Variants in ZNF682 observed in about 807,000 individuals in gnomAD.
ZNF682 encodes zinc finger protein 682.
A neutral mutation model predicts 36.5 loss-of-function variants in ZNF682; 29 were observed. The ratio of observed to expected loss-of-function variants is 0.80; its 90% CI spans 0.59 to 1.08. The LOEUF (loss-of-function observed/expected upper bound fraction) is 1.08, where lower values mean the gene tolerates loss of function less well. ZNF682 is among the 50% of genes least tolerant of loss of function. The probability of loss-of-function intolerance (pLI) is 0.00; values close to 1 mark genes in which losing one functional copy is unlikely to be tolerated. For synonymous variants in ZNF682, 180 were observed against 197.0 expected, an observed-to-expected ratio of 0.91 and a Z score of 0.72; for missense variants, 561 against 579.7, an observed-to-expected ratio of 0.97 and a Z score of 0.33.
At chr19:19,999,654 C>A (rs548974988), downstream of ZNF682, among the ~76,000 whole-genome samples, 3 of 152,240 alleles carry the variant, frequency 2.0e-5, no homozygotes, top group East Asian at 5.8e-4. Context: ...CCTGCCTCAG[C>A]CTTCTGAGTA....
rs140264317 is a variant in ZNF682 at position 20,033,699 on chromosome 19, T to C, written c.3+5644A>G. Among the ~76,000 whole-genome samples the C allele has an allele frequency of 5.2e-3, 784 of 152,214 alleles. 6 individuals carry two copies. Among genetic ancestry groups the C allele is most frequent in the African/African-American group, 0.018 (749 of 41,528 alleles). Reference sequence around the variant, plus strand: ...TCTCGAGTAGCTGGGACTACAGGCGTCCATCACCACGCCTGGCTAATTTTA... The same window carrying C: ...TCTCGAGTAGCTGGGACTACAGGCGCCCATCACCACGCCTGGCTAATTTTA... On this transcript the variant is annotated intron_variant, in intron 1 of 3. Transcript: ENST00000397165.
At chr19:19,995,884 G>A (rs890979470), downstream of ZNF682, among the ~76,000 whole-genome samples, 3 of 152,078 alleles carry the variant, frequency 2.0e-5, no homozygotes, top group Non-Finnish European at 4.4e-5. Context: ...CAACACACTC[G>A]AAAGTTTGGG....
chr19:20,033,152 A>C (rs1331591849), intron 1 of ZNF682, among the ~76,000 whole-genome samples: 2 of 152,122 alleles, frequency 1.3e-5, no homozygotes, highest in African/African-American at 2.4e-5. Flanking sequence ...CTGTAATCTC[A>C]GCTACTTGGG....
At chr19:20,028,689 AATCACTATTCTAAAAC>A (rs2088453324) in intron 1 of ZNF682, among the ~76,000 whole-genome samples, 1 of 152,172 alleles carries the variant, frequency 6.6e-6, no homozygotes, top group Admixed American at 6.5e-5. Context: ...AAAAACCACC[AATCACTATTCTAAAAC>A]ATGGCGTTCT....
chr19:20,007,062 T>A lies in ZNF682; in HGVS notation c.440A>T (p.Tyr147Phe), dbSNP rs749777340. 21 of 1,613,480 alleles carry A rather than the reference T, an allele frequency of 1.3e-5. No homozygotes were observed. The African/African-American group carries it at 2.5e-4, about 19-fold the overall frequency. The change falls in exon 4 of 4, where the codon TAT (tyrosine) becomes TTT (phenylalanine). Residue 147 changes from tyrosine to phenylalanine, a missense_variant. Transcript: ENST00000397165. ...ACTAAAGACTTTCACACATTTATTATATGGGAAAATTTTGCTAGGTAGAGT... is the reference window on the plus strand; with the variant it reads ...ACTAAAGACTTTCACACATTTATTAAATGGGAAAATTTTGCTAGGTAGAGT... Reference protein sequence around the residue: ...LSTLPSKIFPYNKCVKVFSKS... With the variant: ...LSTLPSKIFPFNKCVKVFSKS...
chr19:20,020,061 A>G (rs985835727), intron 3 of ZNF682, among the ~76,000 whole-genome samples: 5 of 100,288 alleles, frequency 5.0e-5, no homozygotes, highest in African/African-American at 1.9e-4. Flanking sequence ...AAAAAAAAAA[A>G]AAGAAAGAAA....
intron 3 of ZNF682, among the ~76,000 whole-genome samples, chr19:20,016,410 T>C (rs1258945998): frequency 6.6e-6 from 1 of 152,064 alleles, no homozygotes; most frequent in Non-Finnish European, 1.5e-5. Context: ...TTAAACATGT[T>C]CAATGAGCAA....
At chr19:19,995,158 G>A (rs1012427035), downstream of ZNF682, among the ~76,000 whole-genome samples, 1 of 152,134 alleles carries the variant, frequency 6.6e-6, no homozygotes, top group Admixed American at 6.5e-5. Context: ...TTTATACCAC[G>A]TAAATGGCAA....
downstream of ZNF682, among the ~76,000 whole-genome samples, chr19:20,001,309 A>T (rs1170112393): frequency 6.6e-6 from 1 of 152,190 alleles, no homozygotes; most frequent in Admixed American, 6.5e-5. Flanking sequence ...CAACACTATG[A>T]CTAGGGAAGT....
At position 20,007,040 on chromosome 19, in the gene ZNF682, A is replaced by G. The variant is rs538341754; in HGVS notation, c.462T>C (p.Phe154=). 50 of 1,613,600 alleles carry G rather than the reference A, an allele frequency of 3.1e-5. No homozygotes were observed. The African/African-American group carries it at 6.0e-4, about 19-fold the overall frequency. ...IFPYNKCVKV[F]SKSSNLNREN... ...CTCTATTTAGATTTGATGATTTACT[A>G]AAGACTTTCACACATTTATTATATG... The change falls in exon 4 of 4, where the codon TTT becomes TTC. Residue 154 remains phenylalanine, a synonymous_variant. Coordinates refer to ENST00000397165, the MANE Select transcript of ZNF682 (RefSeq NM_033196.3).
At chr19:20,018,118 G>C (rs1410585158) in intron 3 of ZNF682, among the ~76,000 whole-genome samples, 1 of 99,770 alleles carries the variant, frequency 1.0e-5, no homozygotes. Context: ...TTTTGAGACG[G>C]AGTCTCGCTC....
intron 3 of ZNF682, among the ~76,000 whole-genome samples, chr19:20,013,218 A>G (rs1568540530): frequency 6.6e-6 from 1 of 152,130 alleles, no homozygotes; most frequent in African/African-American, 2.4e-5. Context: ...AATATACTGT[A>G]GTCAAAATTC....
In ZNF682 at chr19:20,028,605, T is replaced by A. The variant is rs185626362; in HGVS notation, c.4-4229A>T. On this transcript the variant is annotated intron_variant, in intron 1 of 3. Coordinates refer to ENST00000397165, the MANE Select transcript of ZNF682 (RefSeq NM_033196.3). ...TAGATCACTTATAACAGCACTCAAC[T>A]AGACAAAGCGCCACAGCACACAGTC... is the stretch of plus-strand genomic sequence containing the variant. Among the ~76,000 whole-genome samples the A allele has an allele frequency of 2.0e-5, 3 of 152,242 alleles. No individual in the cohort carries two copies. The East Asian group carries it at 5.8e-4, about 29-fold the overall frequency.
chr19:20,018,075 A>ATTTTT (rs2088350671), intron 3 of ZNF682, among the ~76,000 whole-genome samples: 1 of 83,158 alleles, frequency 1.2e-5, no homozygotes, highest in African/African-American at 4.5e-5. Flanking sequence ...AGATTCTCAA[A>ATTTTT]TTCTTTTTTT....
At chr19:20,033,802 C>T (rs1202861408) in intron 1 of ZNF682, 1 of 152,622 alleles carries the variant, frequency 6.6e-6, no homozygotes, top group Non-Finnish European at 1.5e-5. Context: ...GATCCTCCTG[C>T]CTTGGCCTCC....
chr19:20,031,670 C>T lies in ZNF682; in HGVS notation c.4-7294G>A, dbSNP rs574899325. Among the ~76,000 whole-genome samples the T allele has an allele frequency of 1.9e-3, 291 of 152,226 alleles. 2 individuals are homozygous for T. In the Middle Eastern group the frequency reaches 0.031, roughly 16 times the overall value. On this transcript the variant is annotated intron_variant, in intron 1 of 3. Coordinates refer to ENST00000397165, the MANE Select transcript of ZNF682 (RefSeq NM_033196.3). ...TTATAAATGATATGTCGGCCGGGCA[C>T]GGTGGCTCACCCCTGTAATCCCAGC... is the stretch of plus-strand genomic sequence containing the variant.
chr19:20,030,083 TTC>T (rs1310798052), intron 1 of ZNF682, among the ~76,000 whole-genome samples: 5 of 152,154 alleles, frequency 3.3e-5, no homozygotes, highest in Non-Finnish European at 4.4e-5. Context: ...GTATTTCCAA[TTC>T]TGTGTTTTCT....
chr19:20,009,157 T>C (rs1400424138), intron 3 of ZNF682, among the ~76,000 whole-genome samples: 1 of 152,172 alleles, frequency 6.6e-6, no homozygotes, highest in Non-Finnish European at 1.5e-5. Context: ...CAAAAGGATC[T>C]CACTAGTTCC....
chr19:20,039,280 C>A, intron 1 of ZNF682, 63 bp downstream of exon 1: 1 of 1,602,890 alleles, frequency 6.2e-7, no homozygotes. Context: ...CCGTCACTGC[C>A]GGTTCCGGCC....
Sources: gnomAD v4.1 joint callset for allele counts (sites outside exome capture counted in the v4.1 genomes callset) on GRCh38, gnomAD v4.1.1 for gene constraint, MANE v1.5 for transcripts, NCBI Gene and HGNC (gene_info 2026-07-23, HGNC 2026-07-21) for gene names.